The following SGCZ variants were observed in gnomAD, a reference collection of about 807,000 sequenced individuals.
SGCZ encodes zeta-sarcoglycan.
Under a neutral mutation model 41.3 loss-of-function variants are expected in SGCZ, and 40 were observed. The observed-to-expected ratio is 0.97, with a 90% CI of 0.75 to 1.26. SGCZ has a LOEUF of 1.26. Among genes scored for constraint, SGCZ ranks in the 50% most tolerant of loss-of-function variants. The probability of loss-of-function intolerance (pLI) is 0.00; values close to 1 mark genes in which losing one functional copy is unlikely to be tolerated. For synonymous variants in SGCZ, 206 were observed against 137.5 expected (o/e 1.50, Z -3.49); for missense variants, 552 against 369.8 (o/e 1.49, Z -4.04).
chr8:14,301,234 T>C (rs949239812), intron 3 of SGCZ, among the ~76,000 whole-genome samples: 13 of 152,036 alleles, frequency 8.6e-5, no homozygotes, highest in Admixed American at 3.3e-4. Context: ...ATGTATGTAT[T>C]ATTTAAGCTA....
At chr8:14,347,238 T>C (rs1004490120) in intron 2 of SGCZ, among the ~76,000 whole-genome samples, 1 of 152,126 alleles carries the variant, frequency 6.6e-6, no homozygotes, top group Non-Finnish European at 1.5e-5. Flanking sequence ...ATTGAGCTAA[T>C]ACGAGTGTGG....
intron 1 of SGCZ, among the ~76,000 whole-genome samples, chr8:14,959,135 T>C (rs1294097127): frequency 1.3e-5 from 2 of 152,062 alleles, no homozygotes; most frequent in Admixed American, 1.3e-4. Flanking sequence ...TTTTGAGCAA[T>C]ACAACCAAAA....
intron 1 of SGCZ, among the ~76,000 whole-genome samples, chr8:14,714,336 A>G (rs1809619237): frequency 6.6e-6 from 1 of 152,204 alleles, no homozygotes; most frequent in Non-Finnish European, 1.5e-5. Flanking sequence ...AAGTTAAAAA[A>G]AGTAACAGTA....
Position 14,337,892 on chromosome 8 carries a change from C to T in SGCZ, c.235-13688G>A, listed in dbSNP as rs537270311. ...ACAACAGATATAAATAGCCAGAAGCCGGATGAACAGAATTATGGCAATGAG... is the reference window on the plus strand; with the variant it reads ...ACAACAGATATAAATAGCCAGAAGCTGGATGAACAGAATTATGGCAATGAG... On this transcript the variant is annotated intron_variant, in intron 2 of 7. Coordinates refer to ENST00000382080, the MANE Select transcript of SGCZ (RefSeq NM_139167.4). Among the ~76,000 whole-genome samples, 7 of 152,190 alleles carry T rather than the reference C, an allele frequency of 4.6e-5. No individual in the cohort carries two copies. The East Asian group carries it at 5.8e-4, about 13-fold the overall frequency.
chr8:14,220,287 T>C (rs960831346), intron 4 of SGCZ, among the ~76,000 whole-genome samples: 6 of 152,170 alleles, frequency 3.9e-5, no homozygotes, highest in African/African-American at 7.2e-5. Flanking sequence ...TAATGAACTA[T>C]GCAAAATCAT....
intron 1 of SGCZ, among the ~76,000 whole-genome samples, chr8:14,683,541 C>A (rs994401870): frequency 6.6e-6 from 1 of 152,096 alleles, no homozygotes; most frequent in Non-Finnish European, 1.5e-5. Flanking sequence ...TTCCCAAATT[C>A]ATCAAGTAAA....
chr8:14,748,597 A>G (rs1468827905), intron 1 of SGCZ, among the ~76,000 whole-genome samples: 1 of 152,340 alleles, frequency 6.6e-6, no homozygotes, highest in Middle Eastern at 3.4e-3. Flanking sequence ...AGAAAAATAT[A>G]TAACGGAGCT....
At chr8:14,700,545 C>G (rs549839019) in intron 1 of SGCZ, among the ~76,000 whole-genome samples, 1 of 151,850 alleles carries the variant, frequency 6.6e-6, no homozygotes, top group Non-Finnish European at 1.5e-5. Context: ...CATTCATACA[C>G]CAGACCTCAG....
At chr8:14,957,339 A>C (rs1000207540) in intron 1 of SGCZ, among the ~76,000 whole-genome samples, 1 of 152,084 alleles carries the variant, frequency 6.6e-6, no homozygotes, top group African/African-American at 2.4e-5. Context: ...TAAAGTAAGT[A>C]TATGTGAAAT....
chr8:14,319,496 G>A (rs1405883806), intron 3 of SGCZ: 1 of 151,912 alleles, frequency 6.6e-6, no homozygotes, highest in Admixed American at 6.6e-5. Flanking sequence ...CAAATTTTCT[G>A]GCTTTTCCAG....
chr8:14,240,263 G>A (rs985624211), intron 3 of SGCZ, among the ~76,000 whole-genome samples: 3 of 148,392 alleles, frequency 2.0e-5, no homozygotes, highest in Non-Finnish European at 4.4e-5. Flanking sequence ...GGGAGGTGGA[G>A]GATTCAGTGA....
intron 1 of SGCZ, among the ~76,000 whole-genome samples, chr8:15,038,620 A>G (rs1803954412): frequency 6.6e-6 from 1 of 152,020 alleles, no homozygotes; most frequent in South Asian, 2.1e-4. Flanking sequence ...ATTGCATCAA[A>G]TTACAGAGCT....
At chr8:14,582,921 G>C (rs1464370499) in intron 1 of SGCZ, among the ~76,000 whole-genome samples, 6 of 151,784 alleles carry the variant, frequency 4.0e-5, no homozygotes, top group South Asian at 2.1e-4. Context: ...TTGGACATTT[G>C]GGTTGGTTCC....
intron 5 of SGCZ, among the ~76,000 whole-genome samples, chr8:14,134,633 C>A (rs1304544891): frequency 6.6e-6 from 1 of 152,164 alleles, no homozygotes; most frequent in African/African-American, 2.4e-5. Flanking sequence ...AATTTAAGCA[C>A]TGTTCGCTTC....
chr8:14,131,556 C>T (rs1223561463), intron 5 of SGCZ, among the ~76,000 whole-genome samples: 2 of 152,258 alleles, frequency 1.3e-5, no homozygotes, highest in South Asian at 4.1e-4. Context: ...CTGCTTTATA[C>T]ATTCCCTTTT....
chr8:14,852,529 C>T, intron 1 of SGCZ, among the ~76,000 whole-genome samples: 1 of 152,134 alleles, frequency 6.6e-6, no homozygotes, highest in East Asian at 1.9e-4. Context: ...CGAGTACACA[C>T]CAGCCCAAAG....
chr8:14,245,001 A>G (rs912573979), intron 3 of SGCZ, among the ~76,000 whole-genome samples: 2 of 152,084 alleles, frequency 1.3e-5, no homozygotes, highest in African/African-American at 4.8e-5. Flanking sequence ...GGGCTGAGAC[A>G]ATGGGGTTTT....
intron 1 of SGCZ, among the ~76,000 whole-genome samples, chr8:15,013,071 A>G (rs1441484829): frequency 6.6e-6 from 1 of 152,076 alleles, no homozygotes; most frequent in Non-Finnish European, 1.5e-5. Flanking sequence ...TTATGGTAAC[A>G]TTTTCAAAAT....
intron 1 of SGCZ, among the ~76,000 whole-genome samples, chr8:14,628,271 T>C (rs569284307): frequency 6.6e-6 from 1 of 152,090 alleles, no homozygotes; most frequent in African/African-American, 2.4e-5. Context: ...ATAAATATTG[T>C]ATACATCTCT....
Sources: gnomAD v4.1 joint callset for allele counts (sites outside exome capture counted in the v4.1 genomes callset) on GRCh38, gnomAD v4.1.1 for gene constraint, MANE v1.5 for transcripts, NCBI Gene and HGNC (gene_info 2026-07-23, HGNC 2026-07-21) for gene names.